Variants in SESN1 observed in about 807,000 individuals in gnomAD.
SESN1 encodes sestrin-1.
In SESN1, 30 loss-of-function variants were observed where a neutral mutation model predicts 59.3. The ratio of observed to expected loss-of-function variants is 0.51; its 90% confidence interval spans 0.38 to 0.69. SESN1 has a LOEUF of 0.69. Among genes scored for constraint, SESN1 ranks in the 30% least tolerant of loss-of-function variants. The pLI is 0.00. For synonymous variants in SESN1, 197 were observed against 219.9 expected (o/e 0.90, Z 0.92); for missense variants, 566 against 673.0 (o/e 0.84, Z 1.76).
intron 1 of SESN1, among the ~76,000 whole-genome samples, chr6:109,059,933 G>T (rs1334215562): frequency 6.6e-6 from 1 of 152,078 alleles, no homozygotes; most frequent in Non-Finnish European, 1.5e-5. Context: ...TCCACCAGAG[G>T]CAAAACAATG....
chr6:109,069,290 C>T (rs1210734455), intron 1 of SESN1, among the ~76,000 whole-genome samples: 1 of 151,674 alleles, frequency 6.6e-6, no homozygotes, highest in Non-Finnish European at 1.5e-5. Context: ...AAAAACAAGC[C>T]TCCTAGAGAG....
chr6:109,008,990 C>T, intron 1 of SESN1: 1 of 1,015,998 alleles, frequency 9.8e-7, no homozygotes, highest in South Asian at 4.6e-5. Context: ...GCTGTTTCAC[C>T]CTCAAGACTC....
In SESN1 at chr6:108,985,989, C is replaced by A. The variant is rs1779173758; in HGVS notation, c.*1555G>T. Among the ~76,000 whole-genome samples the A allele has an allele frequency of 1.3e-5, 2 of 152,088 alleles. No homozygotes were observed. The highest frequency in any genetic ancestry group is 6.5e-5 in the Admixed American group (1 of 15,268). On this transcript the variant is annotated 3_prime_UTR_variant, in exon 10 of 10. Coordinates refer to ENST00000436639, the MANE Select transcript of SESN1 (RefSeq NM_014454.3). Reference sequence around the variant, plus strand: ...CCACCTCTGTTCAAAATTGATCCTTCCCAACCCCTACTTCCACACTACCCC... The same window carrying A: ...CCACCTCTGTTCAAAATTGATCCTTACCAACCCCTACTTCCACACTACCCC...
intron 1 of SESN1, among the ~76,000 whole-genome samples, chr6:109,051,832 A>C (rs1339064761): frequency 6.6e-6 from 1 of 152,206 alleles, no homozygotes; most frequent in Non-Finnish European, 1.5e-5. Context: ...ATCTCCTTAC[A>C]TGACAGAAGA....
chr6:109,029,397 T>A (rs1780147328), intron 1 of SESN1, among the ~76,000 whole-genome samples: 1 of 152,250 alleles, frequency 6.6e-6, no homozygotes, highest in Non-Finnish European at 1.5e-5. Flanking sequence ...GAAGCAGGAA[T>A]GATTTTGCTT....
intron 1 of SESN1, among the ~76,000 whole-genome samples, chr6:109,012,380 A>C (rs1779873767): frequency 6.6e-6 from 1 of 152,138 alleles, no homozygotes; most frequent in South Asian, 2.1e-4. Context: ...CTTTCTTTTA[A>C]AAAGATTTTG....
intron 1 of SESN1, among the ~76,000 whole-genome samples, chr6:109,049,385 G>C (rs1301809610): frequency 6.6e-6 from 1 of 151,668 alleles, no homozygotes; most frequent in Non-Finnish European, 1.5e-5. Flanking sequence ...GGGAAGAGTA[G>C]GGGGAAAGGG....
At chr6:109,040,864 G>A (rs1402524353) in intron 1 of SESN1, among the ~76,000 whole-genome samples, 2 of 151,880 alleles carry the variant, frequency 1.3e-5, no homozygotes, top group African/African-American at 4.8e-5. Flanking sequence ...GTGTTAGCCA[G>A]GATGGTCTCA....
intron 1 of SESN1, among the ~76,000 whole-genome samples, chr6:109,073,226 A>C (rs756102237): frequency 3.3e-5 from 5 of 152,160 alleles, no homozygotes; most frequent in Non-Finnish European, 5.9e-5. Context: ...AAAAAATCCA[A>C]GCATTTGAAT....
chr6:109,084,321 G>C (rs1340405782), intron 1 of SESN1, among the ~76,000 whole-genome samples: 1 of 152,192 alleles, frequency 6.6e-6, no homozygotes, highest in African/African-American at 2.4e-5. Context: ...AGCACTTTGG[G>C]AGGCCGAGGC....
rs115549554 is a variant in SESN1 at position 109,068,418 on chromosome 6, A to G, written c.279+25377T>C. Among the ~76,000 whole-genome samples the G allele has an allele frequency of 7.8e-3, 1,193 of 152,336 alleles. 21 individuals are homozygous for G. Among genetic ancestry groups the G allele is most frequent in the African/African-American group, 0.027 (1,143 of 41,578 alleles). On this transcript the variant is annotated intron_variant, in intron 1 of 9. Coordinates refer to ENST00000436639, the MANE Select transcript of SESN1 (RefSeq NM_014454.3). ...AACATGGCTGCTAAATAAACATGTC[A>G]ATAGAAGAACTGAATAATAGAACTG...
rs1046237658 is a variant in SESN1 at position 109,008,931 on chromosome 6, AAAT to A, written c.280-6591_280-6589del. ...GGAGGCAAAGGGGATGAAGGTGGCT[AAAT>A]AATCTGTTTTCACAAGACAAGACAA... On this transcript the variant is annotated intron_variant, in intron 1 of 9. Coordinates refer to ENST00000436639, the MANE Select transcript of SESN1 (RefSeq NM_014454.3). 1.1e-4 allele frequency: 104 copies of A among 989,626 alleles called. No individual in the cohort carries two copies. The African/African-American group carries it at 1.8e-3, about 17-fold the overall frequency. 61.3% of individuals were successfully genotyped at this position (989,626 alleles called of 1,614,324 possible).
chr6:109,013,763 T>G (rs1779894105), intron 1 of SESN1, among the ~76,000 whole-genome samples: 1 of 152,226 alleles, frequency 6.6e-6, no homozygotes, highest in Non-Finnish European at 1.5e-5. Flanking sequence ...TTTATGTGGT[T>G]TAAGCATTCT....
intron 1 of SESN1, among the ~76,000 whole-genome samples, chr6:109,065,746 A>G (rs186036290): frequency 2.4e-4 from 36 of 152,162 alleles, no homozygotes; most frequent in Non-Finnish European, 4.6e-4. Context: ...GGTGTCTTAA[A>G]ATACTGACCC....
At chr6:109,025,997 A>T (rs1321776832) in intron 1 of SESN1, among the ~76,000 whole-genome samples, 1 of 152,090 alleles carries the variant, frequency 6.6e-6, no homozygotes, top group African/African-American at 2.4e-5. Context: ...AGAATAACTT[A>T]AAAAAATTAT....
At chr6:108,998,926 A>C in intron 4 of SESN1, 171 bp from the exon 5 acceptor site, 1 of 590,634 alleles carries the variant, frequency 1.7e-6, no homozygotes, top group Non-Finnish European at 2.8e-6. Flanking sequence ...ATGAATATGC[A>C]TTCACAAATA....
In SESN1 at chr6:109,091,863, A is replaced by T. The variant is rs78212579; in HGVS notation, c.279+1932T>A. Among the ~76,000 whole-genome samples, 1,111 of 152,316 alleles carry T rather than the reference A, an allele frequency of 7.3e-3. 9 individuals carry two copies. The highest frequency in any genetic ancestry group is 0.048 in the Middle Eastern group (14 of 294). ...GGAAACTCCCTAAACTGAAAACTTC[A>T]TCTATTCAGACTACTGATGAAAAAC... is the stretch of plus-strand genomic sequence containing the variant. On this transcript the variant is annotated intron_variant, in intron 1 of 9. Coordinates refer to ENST00000436639, the MANE Select transcript of SESN1 (RefSeq NM_014454.3).
intron 1 of SESN1, among the ~76,000 whole-genome samples, chr6:109,003,115 A>G (rs1401081798): frequency 6.6e-6 from 1 of 151,566 alleles, no homozygotes; most frequent in Non-Finnish European, 1.5e-5. Context: ...TCCCTCCCTC[A>G]CCCTCCCCAT....
chr6:108,992,745 G>A, intron 7 of SESN1, 42 bp downstream of exon 7: 1 of 1,233,002 alleles, frequency 8.1e-7, no homozygotes, highest in Non-Finnish European at 1.2e-6. Context: ...GTCAGACTGA[G>A]ATATTTCTAG....
Sources: gnomAD v4.1 joint callset for allele counts (sites outside exome capture counted in the v4.1 genomes callset) on GRCh38, gnomAD v4.1.1 for gene constraint, MANE v1.5 for transcripts, NCBI Gene and HGNC (gene_info 2026-07-23, HGNC 2026-07-21) for gene names.